KCNIP4: variants seen among roughly 807,000 people sequenced by gnomAD.
KCNIP4 encodes potassium voltage-gated channel interacting protein 4.
Under a neutral mutation model 34.0 loss-of-function variants are expected in KCNIP4, and 12 were observed. The observed-to-expected ratio is 0.35, with a 90% CI of 0.23 to 0.57. The LOEUF (loss-of-function observed/expected upper bound fraction) is 0.57. KCNIP4 is among the 20% of genes least tolerant of loss of function. The pLI is 0.83. For synonymous variants in KCNIP4, 124 were observed against 102.2 expected, an observed-to-expected ratio of 1.21 and a Z score of -1.29; for missense variants, 238 against 311.7, an observed-to-expected ratio of 0.76 and a Z score of 1.78.
intron 1 of KCNIP4, among the ~76,000 whole-genome samples, chr4:21,436,654 A>C (rs1414065291): frequency 6.6e-6 from 1 of 152,208 alleles, no homozygotes; most frequent in Non-Finnish European, 1.5e-5. Context: ...TGAGCAAGTT[A>C]TTTAAACTCT....
At chr4:21,128,294 G>T (rs759030008) in intron 1 of KCNIP4, among the ~76,000 whole-genome samples, 2 of 152,154 alleles carry the variant, frequency 1.3e-5, no homozygotes, top group Admixed American at 1.3e-4. Flanking sequence ...TGGCATTCAA[G>T]ACTGTTTTCC....
At chr4:21,173,387 A>G (rs1437226429) in intron 1 of KCNIP4, among the ~76,000 whole-genome samples, 1 of 152,164 alleles carries the variant, frequency 6.6e-6, no homozygotes, top group Non-Finnish European at 1.5e-5. Flanking sequence ...GACTGAGCAT[A>G]TAGAGGCAGA....
intron 1 of KCNIP4, among the ~76,000 whole-genome samples, chr4:21,929,892 T>C (rs1729467481): frequency 6.6e-6 from 1 of 152,186 alleles, no homozygotes; most frequent in African/African-American, 2.4e-5. Flanking sequence ...AGTACTACTC[T>C]TGGCTGTCAT....
chr4:21,398,182 T>A (rs1048987621), intron 1 of KCNIP4, among the ~76,000 whole-genome samples: 1 of 152,210 alleles, frequency 6.6e-6, no homozygotes, highest in Non-Finnish European at 1.5e-5. Flanking sequence ...GCTAAAATGA[T>A]GAAAACTGCC....
At chr4:20,958,421 C>G (rs1733526452) in intron 1 of KCNIP4, among the ~76,000 whole-genome samples, 3 of 152,190 alleles carry the variant, frequency 2.0e-5, no homozygotes, top group Admixed American at 2.0e-4. Context: ...TTTCTAATGA[C>G]TTCAACCTGT....
chr4:21,455,808 CATATAT>C (rs1171436191), intron 1 of KCNIP4, among the ~76,000 whole-genome samples: 3,245 of 70,604 alleles, frequency 0.046, 87 homozygotes, highest in African/African-American at 0.06. Context: ...TACAGATATT[CATATAT>C]ATATATATAT....
intron 1 of KCNIP4, among the ~76,000 whole-genome samples, chr4:21,268,987 T>C (rs1971980): frequency 0.25 from 38,135 of 152,106 alleles, 4,988 homozygotes; most frequent in South Asian, 0.35. Flanking sequence ...AACCTACAAG[T>C]ACTTCAGCAT....
chr4:20,892,176 T>C (rs965431759), intron 1 of KCNIP4, among the ~76,000 whole-genome samples: 1 of 152,234 alleles, frequency 6.6e-6, no homozygotes, highest in Non-Finnish European at 1.5e-5. Flanking sequence ...ACCTTCCTAA[T>C]TGACCTGTTT....
At chr4:21,404,608 C>T (rs755050392) in intron 1 of KCNIP4, among the ~76,000 whole-genome samples, 1 of 152,070 alleles carries the variant, frequency 6.6e-6, no homozygotes, top group African/African-American at 2.4e-5. Flanking sequence ...AGCATATTAA[C>T]AATCTTCAAT....
intron 1 of KCNIP4, among the ~76,000 whole-genome samples, chr4:21,625,002 T>C (rs1230978228): frequency 6.6e-6 from 1 of 152,112 alleles, no homozygotes; most frequent in Non-Finnish European, 1.5e-5. Context: ...CATGGCTGCA[T>C]CTATTTTTTT....
chr4:21,460,954 G>C (rs1466077319), intron 1 of KCNIP4, among the ~76,000 whole-genome samples: 1 of 152,174 alleles, frequency 6.6e-6, no homozygotes, highest in South Asian at 2.1e-4. Context: ...TGCAATAAGA[G>C]AAATACAGAA....
chr4:21,357,093 T>A (rs1045984824), intron 1 of KCNIP4, among the ~76,000 whole-genome samples: 1 of 152,186 alleles, frequency 6.6e-6, no homozygotes. Context: ...TAAATGGTGC[T>A]GGGAAAACTG....
At chr4:20,794,147 G>A (rs1291542502) in intron 3 of KCNIP4, among the ~76,000 whole-genome samples, 4 of 152,096 alleles carry the variant, frequency 2.6e-5, no homozygotes, top group African/African-American at 9.7e-5. Flanking sequence ...GGAAGTGTGA[G>A]CCCATTAAAC....
intron 1 of KCNIP4, among the ~76,000 whole-genome samples, chr4:21,084,529 C>G (rs901502111): frequency 8.8e-5 from 13 of 147,846 alleles, no homozygotes; most frequent in Non-Finnish European, 7.4e-5. Flanking sequence ...CAGTGTGTAT[C>G]CTTTACACCC....
chr4:21,557,325 T>C (rs922582952), intron 1 of KCNIP4, among the ~76,000 whole-genome samples: 1 of 152,138 alleles, frequency 6.6e-6, no homozygotes, highest in African/African-American at 2.4e-5. Flanking sequence ...TATTTCACAG[T>C]CATTATTAAA....
chr4:21,504,414 A>G (rs1733628927), intron 1 of KCNIP4, among the ~76,000 whole-genome samples: 1 of 148,166 alleles, frequency 6.7e-6, no homozygotes, highest in African/African-American at 2.5e-5. Context: ...GTTGCAGTGA[A>G]CGGAGATCAT....
chr4:21,734,669 T>A (rs1043494890), intron 1 of KCNIP4, among the ~76,000 whole-genome samples: 1 of 152,132 alleles, frequency 6.6e-6, no homozygotes, highest in Non-Finnish European at 1.5e-5. Flanking sequence ...CAAAAATTTT[T>A]TAAAGTGGTT....
At chr4:21,567,889 G>T (rs929218612) in intron 1 of KCNIP4, among the ~76,000 whole-genome samples, 1 of 152,082 alleles carries the variant, frequency 6.6e-6, no homozygotes, top group Non-Finnish European at 1.5e-5. Context: ...TACCAGTGGG[G>T]CAGAAACACA....
intron 1 of KCNIP4, among the ~76,000 whole-genome samples, chr4:21,440,926 T>C (rs1727415033): frequency 6.6e-6 from 1 of 152,036 alleles, no homozygotes; most frequent in Non-Finnish European, 1.5e-5. Flanking sequence ...TTAATAAATA[T>C]AAAATATTTT....
Sources: gnomAD v4.1 joint callset for allele counts (sites outside exome capture counted in the v4.1 genomes callset) on GRCh38, gnomAD v4.1.1 for gene constraint, MANE v1.5 for transcripts, NCBI Gene and HGNC (gene_info 2026-07-23, HGNC 2026-07-21) for gene names.